TSHR: variants seen among roughly 807,000 people sequenced by gnomAD.
TSHR encodes the protein thyroid stimulating hormone receptor.
TSHR carries 51 observed loss-of-function variants against 64.1 expected under a neutral mutation model. The observed-to-expected ratio is 0.80, with a 90% confidence interval of 0.64 to 1.01. The LOEUF (loss-of-function observed/expected upper bound fraction) is 1.01, where lower values mean the gene tolerates loss of function less well. TSHR is among the 50% of genes least tolerant of loss of function. The pLI, the probability that TSHR is intolerant of heterozygous loss-of-function variation, is 0.00. For synonymous variants in TSHR, 361 were observed against 361.9 expected (o/e 1.00, Z 0.03); for missense variants, 877 against 942.8 (o/e 0.93, Z 0.91).
chr14:81,073,041 T>A (rs868366558), intron 3 of TSHR, among the ~76,000 whole-genome samples: 1 of 117,734 alleles, frequency 8.5e-6, no homozygotes, highest in Non-Finnish European at 1.6e-5. Flanking sequence ...TATATATATA[T>A]ATATATATAA....
chr14:81,129,544 T>C (rs1180253214), intron 8 of TSHR, among the ~76,000 whole-genome samples: 1 of 152,220 alleles, frequency 6.6e-6, no homozygotes, highest in Non-Finnish European at 1.5e-5. Flanking sequence ...CTCTACCTGC[T>C]GCACAGCAAT....
At chr14:81,093,940 C>G (rs1888959928) in intron 6 of TSHR, among the ~76,000 whole-genome samples, 1 of 152,126 alleles carries the variant, frequency 6.6e-6, no homozygotes, top group Non-Finnish European at 1.5e-5. Context: ...TACCCCTTGA[C>G]ACCATTTCTC....
At chr14:80,999,574 G>A (rs965108568) in intron 1 of TSHR, among the ~76,000 whole-genome samples, 6 of 152,102 alleles carry the variant, frequency 3.9e-5, no homozygotes, top group Non-Finnish European at 8.8e-5. Context: ...AATTCACATC[G>A]ATAATTAAAC....
chr14:81,134,053 T>A (rs1891355214), intron 8 of TSHR, among the ~76,000 whole-genome samples: 1 of 152,206 alleles, frequency 6.6e-6, no homozygotes, highest in Non-Finnish European at 1.5e-5. Flanking sequence ...GTCCAGATAG[T>A]GTGAATTTAA....
At chr14:81,056,890 C>G (rs186062572) in intron 1 of TSHR, among the ~76,000 whole-genome samples, 1 of 152,270 alleles carries the variant, frequency 6.6e-6, no homozygotes, top group Non-Finnish European at 1.5e-5. Context: ...AGCAGCAACA[C>G]TGACTAAAAT....
At chr14:81,040,685 G>T (rs1268204594) in intron 1 of TSHR, among the ~76,000 whole-genome samples, 1 of 152,106 alleles carries the variant, frequency 6.6e-6, no homozygotes, top group East Asian at 1.9e-4. Context: ...AAACTAAAGA[G>T]CTTTGGCACA....
chr14:81,020,939 T>C (rs1040027655), intron 1 of TSHR, among the ~76,000 whole-genome samples: 3 of 151,826 alleles, frequency 2.0e-5, no homozygotes, highest in African/African-American at 7.3e-5. Context: ...CAAAATGAGA[T>C]TACAGAGTAG....
At chr14:81,082,278 C>G (rs1401950186) in intron 3 of TSHR, among the ~76,000 whole-genome samples, 1 of 152,184 alleles carries the variant, frequency 6.6e-6, no homozygotes, top group Non-Finnish European at 1.5e-5. Flanking sequence ...GCTGCCTGGG[C>G]ACCATAGTGA....
At chr14:81,020,005 T>C (rs1883654102) in intron 1 of TSHR, among the ~76,000 whole-genome samples, 1 of 152,206 alleles carries the variant, frequency 6.6e-6, no homozygotes, top group African/African-American at 2.4e-5. Flanking sequence ...AAATGGTATT[T>C]CTAGTTCTAG....
intron 8 of TSHR, among the ~76,000 whole-genome samples, chr14:81,113,658 T>C (rs1403542711): frequency 1.3e-5 from 2 of 151,232 alleles, no homozygotes; most frequent in Non-Finnish European, 2.9e-5. Context: ...TGACAAAGAG[T>C]AGGAAAGGTG....
chr14:81,114,493 ACGAGATTATATCCCGCACCTGGCT>A (rs1372987604), intron 8 of TSHR, among the ~76,000 whole-genome samples: 2 of 152,174 alleles, frequency 1.3e-5, no homozygotes, highest in East Asian at 3.9e-4. Flanking sequence ...ACGGCGCACC[ACGAGATTATATCCCGCACCTGGCT>A]CGGAGGGTCC....
intron 1 of TSHR, chr14:80,983,474 C>G: frequency 7.4e-7 from 1 of 1,358,692 alleles, no homozygotes; most frequent in Non-Finnish European, 1.0e-6. Flanking sequence ...CAAAACTCAT[C>G]TTTAACCATA....
chr14:80,966,067 T>G (rs1887284977), intron 1 of TSHR, among the ~76,000 whole-genome samples: 1 of 152,234 alleles, frequency 6.6e-6, no homozygotes, highest in Admixed American at 6.5e-5. Context: ...CATGAAGCTT[T>G]TGGCTTATAT....
intron 1 of TSHR, among the ~76,000 whole-genome samples, chr14:80,975,042 A>C (rs1887792859): frequency 6.6e-6 from 1 of 152,202 alleles, no homozygotes; most frequent in South Asian, 2.1e-4. Flanking sequence ...TACCTTTTGT[A>C]TCTATTAAAG....
intron 2 of TSHR, 84 bp from the exon 3 acceptor site, chr14:81,068,170 C>CA: frequency 7.3e-7 from 1 of 1,366,910 alleles, no homozygotes; most frequent in South Asian, 1.2e-5. Context: ...AAGCGCATAA[C>CA]AAAAAGTTAT....
chr14:80,969,559 T>C (rs1327022837), intron 1 of TSHR, among the ~76,000 whole-genome samples: 2 of 152,232 alleles, frequency 1.3e-5, no homozygotes, highest in African/African-American at 2.4e-5. Context: ...CAATGGGCTA[T>C]ACTGCTGAAA....
intron 1 of TSHR, chr14:81,051,748 A>T (rs548637526): frequency 6.6e-6 from 1 of 152,176 alleles, no homozygotes; most frequent in East Asian, 1.9e-4. Flanking sequence ...GTGCAGGGTG[A>T]TGTCTCATTG....
chr14:81,062,065 AATT>A (rs1886282974), intron 1 of TSHR, 80 bp from the exon 2 acceptor site: 2 of 1,217,574 alleles, frequency 1.6e-6, no homozygotes, highest in African/African-American at 3.0e-5. Flanking sequence ...CATGCTTTTT[AATT>A]ATGTGTTTTT....
chr14:81,116,841 C>T (rs1326806921), intron 8 of TSHR, among the ~76,000 whole-genome samples: 2 of 150,190 alleles, frequency 1.3e-5, no homozygotes, highest in East Asian at 4.0e-4. Context: ...TCTCTCAGAC[C>T]ACAGTGCAAT....
Sources: allele counts gnomAD v4.1 joint callset (sites outside exome capture counted in the v4.1 genomes callset), GRCh38; gene constraint gnomAD v4.1.1; transcripts MANE v1.5; gene names NCBI Gene and HGNC (gene_info 2026-07-23, HGNC 2026-07-21).